Variants in PHLDB2 observed in about 807,000 individuals in gnomAD.
The protein encoded by PHLDB2 is pleckstrin homology-like domain family B member 2.
PHLDB2 carries 71 observed loss-of-function variants against 123.6 expected under a neutral mutation model. That is an observed-to-expected ratio of 0.57 (90% CI 0.47 to 0.70). PHLDB2 has a LOEUF of 0.70. PHLDB2 is among the 30% of genes least tolerant of loss of function. The pLI is 0.00. For missense variants in PHLDB2, 1,446 were observed against 1,519.5 expected (o/e 0.95, Z 0.80); for synonymous variants, 547 against 541.6 (o/e 1.01, Z -0.14).
At chr3:111,922,419 C>T (rs989538766) in intron 5 of PHLDB2, among the ~76,000 whole-genome samples, 1 of 152,200 alleles carries the variant, frequency 6.6e-6, no homozygotes, top group Non-Finnish European at 1.5e-5. Context: ...AAGGAAGCTA[C>T]CTCCATCCTT....
chr3:111,823,672 A>G (rs1427661489), intron 1 of PHLDB2, among the ~76,000 whole-genome samples: 1 of 152,238 alleles, frequency 6.6e-6, no homozygotes, highest in Non-Finnish European at 1.5e-5. Flanking sequence ...CTTAAATGAC[A>G]GACAATTGTA....
chr3:111,736,802 TAC>T (rs2059515924), intron 1 of PHLDB2, among the ~76,000 whole-genome samples: 1 of 152,198 alleles, frequency 6.6e-6, no homozygotes, highest in Admixed American at 6.5e-5. Context: ...CATTAATTGT[TAC>T]TTAATAAAAT....
At chr3:111,925,011 T>A (rs1042311140) in intron 5 of PHLDB2, among the ~76,000 whole-genome samples, 1 of 152,012 alleles carries the variant, frequency 6.6e-6, no homozygotes, top group Admixed American at 6.6e-5. Flanking sequence ...ACATTTTTAA[T>A]AGAGACGGAG....
At chr3:111,735,484 A>G (rs900395656) in intron 1 of PHLDB2, among the ~76,000 whole-genome samples, 42 of 152,228 alleles carry the variant, frequency 2.8e-4, no homozygotes, top group African/African-American at 9.9e-4. Flanking sequence ...GATCAAGATA[A>G]AGAAATGCCA....
chr3:111,812,220 A>G lies in PHLDB2; in HGVS notation c.-48-33601A>G, dbSNP rs572608919. ...CCCAGTCATTTAGAACATCATCCATATATCCAGGCCATCTTTCTGTGATCA... is the reference window on the plus strand; with the variant it reads ...CCCAGTCATTTAGAACATCATCCATGTATCCAGGCCATCTTTCTGTGATCA... On this transcript the variant is annotated intron_variant, in intron 1 of 17. Transcript: ENST00000393923. Among the ~76,000 whole-genome samples the G allele has an allele frequency of 7.2e-5, 11 of 152,294 alleles. No homozygotes were observed. The East Asian group carries it at 2.1e-3, about 29-fold the overall frequency.
chr3:111,768,458 G>C (rs1159655580), intron 1 of PHLDB2, among the ~76,000 whole-genome samples: 1 of 152,172 alleles, frequency 6.6e-6, no homozygotes, highest in Non-Finnish European at 1.5e-5. Flanking sequence ...CTGGTGAGAG[G>C]TGTAGTGCTA....
intron 1 of PHLDB2, among the ~76,000 whole-genome samples, chr3:111,825,578 G>A (rs2108435054): frequency 6.6e-6 from 1 of 152,328 alleles, no homozygotes; most frequent in Non-Finnish European, 1.5e-5. Flanking sequence ...CTCCTGAGTA[G>A]CTGGGATTAC....
intron 6 of PHLDB2, among the ~76,000 whole-genome samples, chr3:111,933,984 A>T (rs1217583711): frequency 6.6e-6 from 1 of 152,224 alleles, no homozygotes; most frequent in African/African-American, 2.4e-5. Context: ...TATGATTAAC[A>T]TAAATACTGT....
chr3:111,914,991 T>C (rs1463255963), intron 3 of PHLDB2: 1 of 152,174 alleles, frequency 6.6e-6, no homozygotes, highest in African/African-American at 2.4e-5. Flanking sequence ...AAAAATGATT[T>C]GAAGGAGCTT....
chr3:111,940,009 T>TG (rs2069763958), intron 7 of PHLDB2, among the ~76,000 whole-genome samples: 2 of 152,180 alleles, frequency 1.3e-5, no homozygotes, highest in Non-Finnish European at 2.9e-5. Context: ...GGCTGATAGC[T>TG]TATTACCATT....
chr3:111,824,316 G>C (rs2062548416), intron 1 of PHLDB2, among the ~76,000 whole-genome samples: 1 of 152,044 alleles, frequency 6.6e-6, no homozygotes, highest in Admixed American at 6.6e-5. Context: ...AGGAACTCTG[G>C]AGTGGCTGTT....
rs1283457585 is a variant in PHLDB2, at chr3:111,962,274, G to A, written c.3039G>A (p.Glu1013=). Residue 1013 remains glutamate, a synonymous_variant, in exon 13 of 18, where the codon GAG becomes GAA. Transcript: ENST00000431670. ...GCCTCGATAGCTCTGATAGCATGGA[G>A]ACCAGCATCTCTGCTTGCTCACCAG... ...TLSLDSSDSM[E]TSISACSPDN... The A allele has an allele frequency of 4.4e-6, 7 of 1,584,784 alleles. No homozygotes were observed. Among genetic ancestry groups the A allele is most frequent in the Non-Finnish European group, 6.0e-6 (7 of 1,172,606 alleles).
chr3:111,773,621 G>A (rs542883798), intron 1 of PHLDB2, among the ~76,000 whole-genome samples: 6 of 152,250 alleles, frequency 3.9e-5, no homozygotes, highest in East Asian at 1.9e-4. Flanking sequence ...CAACGACTTC[G>A]TATCTTTCTG....
exon 1 of PHLDB2, chr3:111,732,543 AG>A (rs1207862883): frequency 7.5e-7 from 1 of 1,330,698 alleles, no homozygotes; most frequent in Admixed American, 2.0e-5. Flanking sequence ...GGAAATGGAA[AG>A]GAACCTCACC....
chr3:111,899,785 G>GT (rs1475825107), intron 2 of PHLDB2, among the ~76,000 whole-genome samples: 1 of 152,118 alleles, frequency 6.6e-6, no homozygotes, highest in Non-Finnish European at 1.5e-5. Flanking sequence ...TGTCTACGTT[G>GT]TTTGTTTGTT....
At chr3:111,935,488 A>G (rs1376665603) in intron 6 of PHLDB2, among the ~76,000 whole-genome samples, 1 of 140,792 alleles carries the variant, frequency 7.1e-6, no homozygotes, top group African/African-American at 2.6e-5. Flanking sequence ...CTAATATGAT[A>G]TATGTGTATA....
intron 2 of PHLDB2, chr3:111,846,493 C>A (rs1403054518): frequency 1.3e-5 from 2 of 152,622 alleles, no homozygotes; most frequent in South Asian, 2.1e-4. Context: ...GATCAAGTAA[C>A]CAGAAGGCTG....
rs547049948 is a variant in PHLDB2 at position 111,894,575 on chromosome 3, G to A, written c.1335+9163G>A. On this transcript the variant is annotated intron_variant, in intron 2 of 17. Coordinates refer to ENST00000431670, the MANE Select transcript of PHLDB2 (RefSeq NM_001134438.2). Reference sequence around the variant, plus strand: ...CTCCACATCCTCTCCAACATCTGTTGTTTCCTGACTTTTTAATGATTGCCT... The same window carrying A: ...CTCCACATCCTCTCCAACATCTGTTATTTCCTGACTTTTTAATGATTGCCT... 2.5e-3 allele frequency among the ~76,000 whole-genome samples: 383 copies of A among 151,744 alleles called. 3 individuals are homozygous for A. Among genetic ancestry groups the A allele is most frequent in the African/African-American group, 9.0e-3 (373 of 41,330 alleles).
At chr3:111,909,257 TA>T (rs1249098628) in intron 2 of PHLDB2, among the ~76,000 whole-genome samples, 1 of 152,218 alleles carries the variant, frequency 6.6e-6, no homozygotes, top group Non-Finnish European at 1.5e-5. Context: ...AAACTTCTGT[TA>T]TCACTGCTTT....
Sources: allele counts gnomAD v4.1 joint callset (sites outside exome capture counted in the v4.1 genomes callset), GRCh38; gene constraint gnomAD v4.1.1; transcripts MANE v1.5; gene names NCBI Gene and HGNC (gene_info 2026-07-23, HGNC 2026-07-21).